The following FOXP2 variants were observed in gnomAD, a reference collection of about 807,000 sequenced individuals.
FOXP2 encodes the protein forkhead box protein P2.
A neutral mutation model predicts 115.8 loss-of-function variants in FOXP2; 12 were observed. The ratio of observed to expected loss-of-function variants is 0.10; its 90% CI spans 0.07 to 0.17. The LOEUF is 0.17. Among genes scored for constraint, FOXP2 ranks in the 10% least tolerant of loss-of-function variants. FOXP2 has a pLI of 1.00. For synonymous variants in FOXP2, 328 were observed against 297.7 expected (o/e 1.10, Z -1.05); for missense variants, 629 against 843.5 (o/e 0.75, Z 3.15).
At chr7:114,334,022 G>C (rs1797779030) in intron 2 of FOXP2, among the ~76,000 whole-genome samples, 3 of 152,128 alleles carry the variant, frequency 2.0e-5, no homozygotes, top group African/African-American at 7.2e-5. Context: ...CAAAGGAAAT[G>C]CAAACTTATT....
intron 2 of FOXP2, among the ~76,000 whole-genome samples, chr7:114,504,582 A>C (rs1444772345): frequency 6.6e-6 from 1 of 151,676 alleles, no homozygotes; most frequent in African/African-American, 2.4e-5. Context: ...CATCTTTTAT[A>C]TTTACGGTTT....
Position 114,691,501 on chromosome 7 carries a change from ATTG to A in FOXP2, c.*1579_*1581del, listed in dbSNP as rs1219054804. ...CCCTTCAAAGACTTGCACAGGCCAA[ATTG>A]TTGGAATGCTGGTTTTCTTGACAAT... On this transcript the variant is annotated 3_prime_UTR_variant, in exon 17 of 17. Coordinates refer to ENST00000350908, the MANE Select transcript of FOXP2 (RefSeq NM_014491.4). 2 of 453,902 alleles carry A rather than the reference ATTG, an allele frequency of 4.4e-6. No individual in the cohort carries two copies. Among genetic ancestry groups the A allele is most frequent in the Non-Finnish European group, 8.8e-6 (2 of 226,774 alleles). 28.1% of individuals were successfully genotyped at this position (453,902 alleles called of 1,614,324 possible).
At chr7:114,408,692 A>G (rs980123394) in intron 2 of FOXP2, among the ~76,000 whole-genome samples, 1 of 152,070 alleles carries the variant, frequency 6.6e-6, no homozygotes, top group African/African-American at 2.4e-5. Context: ...GAGCCATTGC[A>G]CTCCAATCGG....
chr7:114,448,827 G>A (rs1054451143), intron 2 of FOXP2, among the ~76,000 whole-genome samples: 6 of 152,034 alleles, frequency 3.9e-5, no homozygotes, highest in Admixed American at 6.6e-5. Flanking sequence ...TTATTTTATA[G>A]TACAGTGATT....
chr7:114,181,579 T>A (rs1448727944), intron 1 of FOXP2, among the ~76,000 whole-genome samples: 1 of 152,020 alleles, frequency 6.6e-6, no homozygotes, highest in Admixed American at 6.6e-5. Flanking sequence ...CAGGTACATT[T>A]TGCAGAAGAT....
At chr7:114,390,748 G>A (rs942939780) in intron 2 of FOXP2, among the ~76,000 whole-genome samples, 1 of 151,754 alleles carries the variant, frequency 6.6e-6, no homozygotes, top group African/African-American at 2.4e-5. Flanking sequence ...TTTAGAGGCA[G>A]GATTTCTCCA....
chr7:114,673,866 A>AT (rs1174758559), intron 16 of FOXP2, among the ~76,000 whole-genome samples: 1 of 151,984 alleles, frequency 6.6e-6, no homozygotes. Context: ...CACCCGACTA[A>AT]TTTTTTTATA....
At chr7:114,209,962 T>C (rs1331402435) in intron 1 of FOXP2, among the ~76,000 whole-genome samples, 1 of 152,216 alleles carries the variant, frequency 6.6e-6, no homozygotes, top group African/African-American at 2.4e-5. Context: ...TCTCATCTTG[T>C]GTTTTTCAGC....
At chr7:114,320,669 A>T (rs1248911226) in intron 2 of FOXP2, among the ~76,000 whole-genome samples, 1 of 152,188 alleles carries the variant, frequency 6.6e-6, no homozygotes, top group Admixed American at 6.5e-5. Flanking sequence ...TAACTGTTCC[A>T]CAAGTCTGTC....
intron 16 of FOXP2, among the ~76,000 whole-genome samples, chr7:114,675,310 G>T (rs1365853573): frequency 6.6e-6 from 1 of 151,312 alleles, no homozygotes; most frequent in African/African-American, 2.4e-5. Context: ...GTGAAACTTT[G>T]TCTTTGAAAA....
chr7:114,096,644 A>G (rs937892290), intron 1 of FOXP2, among the ~76,000 whole-genome samples: 6 of 152,220 alleles, frequency 3.9e-5, no homozygotes, highest in African/African-American at 1.4e-4. Context: ...GAATTCTAAA[A>G]TACGAATAAG....
rs183682967 is a variant in FOXP2, at chr7:114,519,577, T to C, written c.169-15040T>C. Among the ~76,000 whole-genome samples, 78 of 152,284 alleles carry C rather than the reference T, an allele frequency of 5.1e-4. No homozygotes were observed. The East Asian group carries it at 6.8e-3, about 13-fold the overall frequency. ...TGATCAGAGTAAGTACAGCTTATTG[T>C]TCCACTCTGGTGAGTAGTCTGTTAG... On this transcript the variant is annotated intron_variant, in intron 2 of 16. Coordinates refer to ENST00000350908, the MANE Select transcript of FOXP2 (RefSeq NM_014491.4).
Position 114,090,854 on chromosome 7 carries a change from C to A in FOXP2, c.-247+3016C>A, listed in dbSNP as rs1473844335. 2.0e-5 allele frequency among the ~76,000 whole-genome samples: 3 copies of A among 149,660 alleles called. No individual in the cohort carries two copies. In the East Asian group the frequency reaches 5.9e-4, roughly 29 times the overall value. Reference sequence around the variant, plus strand: ...AGGCTTAGGTCATTTTCATTGCTTTCTTATGGAGGTATTCTAGACTTTTAG... The same window carrying A: ...AGGCTTAGGTCATTTTCATTGCTTTATTATGGAGGTATTCTAGACTTTTAG... On this transcript the variant is annotated intron_variant, in intron 1 of 19. Transcript: ENST00000635638.
chr7:114,488,855 A>G (rs925715495), intron 2 of FOXP2, among the ~76,000 whole-genome samples: 2 of 152,202 alleles, frequency 1.3e-5, no homozygotes, highest in African/African-American at 4.8e-5. Flanking sequence ...ATTACTAAAT[A>G]ACTTCTGGGA....
At chr7:114,569,785 A>G (rs1351632914) in intron 3 of FOXP2, among the ~76,000 whole-genome samples, 2 of 151,920 alleles carry the variant, frequency 1.3e-5, no homozygotes, top group Non-Finnish European at 2.9e-5. Context: ...GTAGTCATGT[A>G]AAGCATATAC....
At chr7:114,640,279 G>T (rs1805452287) in intron 6 of FOXP2, among the ~76,000 whole-genome samples, 1 of 152,082 alleles carries the variant, frequency 6.6e-6, no homozygotes, top group South Asian at 2.1e-4. Flanking sequence ...ATGTAACAGA[G>T]AAACCTTTCT....
intron 2 of FOXP2, among the ~76,000 whole-genome samples, chr7:114,514,088 C>CACACACAA (rs904950377): frequency 5.2e-4 from 13 of 25,034 alleles, no homozygotes; most frequent in African/African-American, 2.0e-3. Flanking sequence ...GTATCTTATA[C>CACACACAA]ACACACACAC....
intron 1 of FOXP2, among the ~76,000 whole-genome samples, chr7:114,152,650 C>A (rs1452966389): frequency 2.0e-5 from 3 of 152,112 alleles, no homozygotes; most frequent in African/African-American, 7.2e-5. Flanking sequence ...ACTGTGATTT[C>A]TGTTGTGTAG....
At chr7:114,519,745 G>A (rs1798520828) in intron 2 of FOXP2, among the ~76,000 whole-genome samples, 1 of 152,088 alleles carries the variant, frequency 6.6e-6, no homozygotes, top group Non-Finnish European at 1.5e-5. Flanking sequence ...CTATGGAATA[G>A]GTTTAATGTC....
Sources: allele counts gnomAD v4.1 joint callset (sites outside exome capture counted in the v4.1 genomes callset), GRCh38; gene constraint gnomAD v4.1.1; transcripts MANE v1.5; gene names NCBI Gene and HGNC (gene_info 2026-07-23, HGNC 2026-07-21).